The following PCDHGA12 variants were observed in gnomAD, a reference collection of about 807,000 sequenced individuals.
The protein encoded by PCDHGA12 is protocadherin gamma-A12.
PCDHGA12 carries 43 observed loss-of-function variants against 61.1 expected under a neutral mutation model. That is an observed-to-expected ratio of 0.70 (90% CI 0.55 to 0.91). The LOEUF is 0.91. PCDHGA12 is among the 40% of genes least tolerant of loss of function. PCDHGA12 has a pLI of 0.00. For missense variants in PCDHGA12, 1,236 were observed against 1,227.7 expected, an observed-to-expected ratio of 1.01 and a Z score of -0.10; for synonymous variants, 520 against 542.9, an observed-to-expected ratio of 0.96 and a Z score of 0.59.
At chr5:141,483,917 T>A (rs565465724) in intron 1 of PCDHGA12, among the ~76,000 whole-genome samples, 2 of 151,262 alleles carry the variant, frequency 1.3e-5, no homozygotes, top group South Asian at 4.2e-4. Context: ...CCCACTCAGA[T>A]TGCAGGTCGT....
chr5:141,450,977 A>G (rs2098702822), intron 1 of PCDHGA12, among the ~76,000 whole-genome samples: 1 of 151,760 alleles, frequency 6.6e-6, no homozygotes, highest in African/African-American at 2.4e-5. Context: ...GGCATGTGCC[A>G]CCACACCCGG....
chr5:141,497,211 G>C (rs914346878), intron 2 of PCDHGA12, among the ~76,000 whole-genome samples: 19 of 28,538 alleles, frequency 6.7e-4, no homozygotes, highest in African/African-American at 2.3e-3. Flanking sequence ...GAGTGTAATG[G>C]GGGGGGGAAG....
At position 141,487,547 on chromosome 5, in the gene PCDHGA12, A is replaced by G. The variant is rs2099649592; in HGVS notation, c.2425-7260A>G. On this transcript the variant is annotated intron_variant, in intron 1 of 3. Coordinates refer to ENST00000252085, the MANE Select transcript of PCDHGA12 (RefSeq NM_003735.3). The surrounding 1 kb of genome is among the most constrained non-coding windows in gnomAD (Gnocchi z 5.0). ...TAGCTTCATGATGGTGAAGTCACCC[A>G]GTGCACCTATGGCAGGGGAGCCTGT... 2 of 1,614,216 alleles carry G rather than the reference A, an allele frequency of 1.2e-6. No individual in the cohort carries two copies. Among genetic ancestry groups the G allele is most frequent in the Non-Finnish European group, 8.5e-7 (1 of 1,180,046 alleles).
At position 141,489,437 on chromosome 5, in the gene PCDHGA12, T is replaced by C; in HGVS notation, c.2425-5370T>C. The C allele has an allele frequency of 6.2e-7, 1 of 1,614,110 alleles. No individual in the cohort carries two copies. Among genetic ancestry groups the C allele is most frequent in the Non-Finnish European group, 8.5e-7 (1 of 1,180,020 alleles). ...GATCTGTTGAGCCGGCGGCTGCAATTGGGCTCTGAGGAGAATGGGCGCTAT... is the reference window on the plus strand; with the variant it reads ...GATCTGTTGAGCCGGCGGCTGCAATCGGGCTCTGAGGAGAATGGGCGCTAT... On this transcript the variant is annotated intron_variant, in intron 1 of 3. Transcript: ENST00000252085. This position sits in a 1 kb window ranked among gnomAD's most constrained non-coding sequence, Gnocchi z 4.5.
intron 1 of PCDHGA12, among the ~76,000 whole-genome samples, chr5:141,484,569 AGACT>A (rs1376518478): frequency 1.3e-5 from 2 of 152,106 alleles, no homozygotes; most frequent in African/African-American, 2.4e-5. Context: ...CAATACAATC[AGACT>A]GAGACGGAAG....
In PCDHGA12 at chr5:141,432,612, C is replaced by T. The variant is rs752901891; in HGVS notation, c.1853C>T (p.Ser618Leu). 1.9e-6 allele frequency: 3 copies of T among 1,613,912 alleles called. No individual in the cohort carries two copies. The highest frequency in any genetic ancestry group is 2.5e-6 in the Non-Finnish European group (3 of 1,179,970). Residue 618 changes from serine to leucine, a missense_variant, in exon 1 of 4, where the codon TCG becomes TTG. Transcript: ENST00000252085. The surrounding 1 kb of genome is among the most constrained non-coding windows in gnomAD (Gnocchi z 6.0). ...AAGGCCAGCGAGCCGGGACTCTTCT[C>T]GGTGGGTCTGCACACGGGCGAGGTG... ...LLKASEPGLF[S>L]VGLHTGEVRT...
intron 1 of PCDHGA12, among the ~76,000 whole-genome samples, chr5:141,474,114 C>T (rs940809934): frequency 2.6e-5 from 4 of 152,224 alleles, no homozygotes; most frequent in South Asian, 2.1e-4. Context: ...ACAACAACAA[C>T]GAAAATCTCA....
chr5:141,480,533 G>A (rs2099521308), intron 1 of PCDHGA12, among the ~76,000 whole-genome samples: 1 of 127,758 alleles, frequency 7.8e-6, no homozygotes, highest in African/African-American at 3.6e-5. Flanking sequence ...CAAAGTAGAA[G>A]CACATATGAA....
At chr5:141,441,127 G>A (rs1224106490) in intron 1 of PCDHGA12, 2 of 152,138 alleles carry the variant, frequency 1.3e-5, no homozygotes, top group African/African-American at 2.4e-5. Context: ...AGTTGAGACC[G>A]AATTTCTAGA....
At chr5:141,501,288 TATACAC>T (rs201660636) in intron 2 of PCDHGA12, among the ~76,000 whole-genome samples, 3 of 81,324 alleles carry the variant, frequency 3.7e-5, no homozygotes, top group African/African-American at 1.5e-4. Flanking sequence ...GATATTCCCT[TATACAC>T]ACACACACAC....
chr5:141,467,015 T>C (rs1423064392), intron 1 of PCDHGA12, among the ~76,000 whole-genome samples: 1 of 152,072 alleles, frequency 6.6e-6, no homozygotes. Flanking sequence ...GCAATTTTTT[T>C]CCCTTTGTTT....
In PCDHGA12 at chr5:141,432,460, C is replaced by T; in HGVS notation, c.1701C>T (p.Leu567=). The T allele has an allele frequency of 6.2e-7, 1 of 1,614,208 alleles. No homozygotes were observed. The highest frequency in any genetic ancestry group is 8.5e-7 in the Non-Finnish European group (1 of 1,180,044). The change falls in exon 1 of 4, where the codon CTC becomes CTT. Residue 567 remains leucine (L), a synonymous_variant. Transcript: ENST00000252085. This position sits in a 1 kb window ranked among gnomAD's most constrained non-coding sequence, Gnocchi z 6.0. ...DNAPEILYPA[L]PTDGSTGVEL... is the part of the protein sequence containing the mutation. ...CGCCCGAGATCCTGTACCCCGCCCTCCCCACGGACGGTTCCACTGGCGTGG... is the reference window on the plus strand; with the variant it reads ...CGCCCGAGATCCTGTACCCCGCCCTTCCCACGGACGGTTCCACTGGCGTGG...
At chr5:141,461,408 CAT>C (rs1491314585) in intron 1 of PCDHGA12, among the ~76,000 whole-genome samples, 2 of 151,994 alleles carry the variant, frequency 1.3e-5, no homozygotes, top group South Asian at 2.1e-4. Flanking sequence ...AGCATTTTTT[CAT>C]ATGTTTGTGG....
chr5:141,501,328 CACA>C (rs2099808027), intron 2 of PCDHGA12, among the ~76,000 whole-genome samples: 1 of 151,710 alleles, frequency 6.6e-6, no homozygotes, highest in Non-Finnish European at 1.5e-5. Context: ...CACACACACA[CACA>C]CACCCCAAAC....
rs1009141449 is a variant in PCDHGA12, at chr5:141,491,922, G to A, written c.2425-2885G>A. 2 of 1,349,026 alleles carry A rather than the reference G, an allele frequency of 1.5e-6. No individual in the cohort carries two copies. Among genetic ancestry groups the A allele is most frequent in the African/African-American group, 1.5e-5 (1 of 67,598 alleles). The allele number at this position is 1,349,026 out of a possible 1,614,324, so 83.6% of individuals were successfully genotyped here. On this transcript the variant is annotated intron_variant, in intron 1 of 3. Coordinates refer to ENST00000252085, the MANE Select transcript of PCDHGA12 (RefSeq NM_003735.3). The surrounding 1 kb of genome is among the most constrained non-coding windows in gnomAD (Gnocchi z 6.9). ...CGGGGGTGGTGGCGACTGTGGGCGAGGGGAGGTGGGACCGACCCCCACCCC... is the reference window on the plus strand; with the variant it reads ...CGGGGGTGGTGGCGACTGTGGGCGAAGGGAGGTGGGACCGACCCCCACCCC...
intron 1 of PCDHGA12, among the ~76,000 whole-genome samples, chr5:141,447,378 T>C (rs2098536967): frequency 6.6e-6 from 1 of 152,148 alleles, no homozygotes; most frequent in Non-Finnish European, 1.5e-5. Context: ...ACCCTGGTGA[T>C]CTGCCCACCT....
At chr5:141,507,003 G>A (rs569257489) in intron 3 of PCDHGA12, 3 of 152,342 alleles carry the variant, frequency 2.0e-5, no homozygotes, top group African/African-American at 7.2e-5. Context: ...CGACAGATGA[G>A]AGAACCGAGA....
Position 141,485,048 on chromosome 5 carries a change from C to T in PCDHGA12, c.2425-9759C>T. ...AAACGGCGCGTAACCCTTGCGGCGC[C>T]GGCCGAACCGCGCCAGAGCTGGCGC... On this transcript the variant is annotated intron_variant, in intron 1 of 3. Transcript: ENST00000252085. The surrounding 1 kb of genome is among the most constrained non-coding windows in gnomAD (Gnocchi z 5.7). 1 of 770,392 alleles carries T rather than the reference C, an allele frequency of 1.3e-6. No individual in the cohort carries two copies. Among genetic ancestry groups the T allele is most frequent in the South Asian group, 1.7e-5 (1 of 58,120 alleles). 47.7% of individuals were successfully genotyped at this position (770,392 alleles called of 1,614,324 possible). A position where few individuals can be genotyped will look rare whatever the true frequency, so the allele number is the denominator to read the frequency against.
chr5:141,441,136 GA>G (rs1379465827), intron 1 of PCDHGA12: 2 of 152,304 alleles, frequency 1.3e-5, no homozygotes, highest in Middle Eastern at 3.4e-3. Flanking sequence ...CGAATTTCTA[GA>G]AGATAATGAC....
Sources: gnomAD v4.1 joint callset for allele counts (sites outside exome capture counted in the v4.1 genomes callset) on GRCh38, gnomAD v4.1.1 for gene constraint, Gnocchi (gnomAD v3.1) non-coding constraint, MANE v1.5 for transcripts, NCBI Gene and HGNC (gene_info 2026-07-23, HGNC 2026-07-21) for gene names.